The following MYRIP variants were observed in gnomAD, a reference collection of about 807,000 sequenced individuals.
MYRIP encodes the protein rab effector MyRIP.
Under a neutral mutation model 98.0 loss-of-function variants are expected in MYRIP, and 49 were observed. The ratio of observed to expected loss-of-function variants is 0.50; its 90% confidence interval spans 0.40 to 0.63. The LOEUF (loss-of-function observed/expected upper bound fraction) is 0.63, where lower values mean the gene tolerates loss of function less well. MYRIP is among the 30% of genes least tolerant of loss of function. The pLI is 0.00. For synonymous variants in MYRIP, 404 were observed against 409.5 expected (o/e 0.99, Z 0.16); for missense variants, 1,004 against 1,058.2 (o/e 0.95, Z 0.71).
At chr3:40,090,471 G>A (rs774452346) in intron 3 of MYRIP, among the ~76,000 whole-genome samples, 1 of 152,084 alleles carries the variant, frequency 6.6e-6, no homozygotes, top group Non-Finnish European at 1.5e-5. Flanking sequence ...TCAAGTCCTT[G>A]AAAAAACCCT....
At chr3:39,991,945 G>A (rs1386619151) in intron 2 of MYRIP, among the ~76,000 whole-genome samples, 3 of 152,262 alleles carry the variant, frequency 2.0e-5, no homozygotes, top group Non-Finnish European at 4.4e-5. Flanking sequence ...GGCTCTATAA[G>A]TATATATTAG....
At chr3:39,868,278 A>G (rs2125626661) in intron 1 of MYRIP, among the ~76,000 whole-genome samples, 1 of 152,232 alleles carries the variant, frequency 6.6e-6, no homozygotes, top group East Asian at 1.9e-4. Context: ...GCCTTCTTGG[A>G]TATTGTATGT....
chr3:39,895,946 C>T (rs1384271856), intron 1 of MYRIP, among the ~76,000 whole-genome samples: 9 of 151,608 alleles, frequency 5.9e-5, no homozygotes, highest in East Asian at 1.9e-4. Flanking sequence ...TGCGCGTGCA[C>T]GTACGCATAT....
At chr3:39,918,493 C>G (rs1559521849) in intron 2 of MYRIP, among the ~76,000 whole-genome samples, 1 of 152,170 alleles carries the variant, frequency 6.6e-6, no homozygotes, top group Non-Finnish European at 1.5e-5. Flanking sequence ...CCGCAACCAC[C>G]TGGGCCTCAT....
At chr3:39,941,433 T>G in intron 2 of MYRIP, among the ~76,000 whole-genome samples, 1 of 151,912 alleles carries the variant, frequency 6.6e-6, no homozygotes, top group African/African-American at 2.4e-5. Flanking sequence ...ACATGAGATT[T>G]GGAGAGGACA....
chr3:39,978,779 C>T (rs374918077), intron 2 of MYRIP, among the ~76,000 whole-genome samples: 48 of 151,240 alleles, frequency 3.2e-4, no homozygotes, highest in African/African-American at 2.2e-4. Flanking sequence ...TTTGTTTGCA[C>T]GGAAAGTGCT....
chr3:39,886,976 T>G (rs1483207271), intron 1 of MYRIP, among the ~76,000 whole-genome samples: 1 of 151,526 alleles, frequency 6.6e-6, no homozygotes, highest in African/African-American at 2.4e-5. Context: ...GAACAGAAAT[T>G]ATAACAAACT....
At chr3:39,947,256 G>C (rs1227589526) in intron 2 of MYRIP, among the ~76,000 whole-genome samples, 2 of 151,874 alleles carry the variant, frequency 1.3e-5, no homozygotes, top group African/African-American at 4.8e-5. Context: ...GAAATGAAAA[G>C]AGTAATAAAA....
At chr3:40,236,236 A>AGTAGGTTATACC (rs1952820849) in intron 12 of MYRIP, among the ~76,000 whole-genome samples, 1 of 152,232 alleles carries the variant, frequency 6.6e-6, no homozygotes, top group African/African-American at 2.4e-5. Flanking sequence ...CTAGGTGTGT[A>AGTAGGTTATACC]GTAGGTTATA....
intron 1 of MYRIP, among the ~76,000 whole-genome samples, chr3:39,810,931 A>G (rs918676302): frequency 6.6e-6 from 1 of 151,998 alleles, no homozygotes; most frequent in Non-Finnish European, 1.5e-5. Context: ...CTTCATTTCC[A>G]TGCTCTCCAT....
intron 1 of MYRIP, among the ~76,000 whole-genome samples, chr3:39,870,542 T>C (rs1185289997): frequency 6.6e-6 from 1 of 152,244 alleles, no homozygotes; most frequent in Non-Finnish European, 1.5e-5. Flanking sequence ...TTTTGGGTTT[T>C]ACTTTTCTGT....
At chr3:40,237,960 G>A (rs1253632770) in intron 12 of MYRIP, among the ~76,000 whole-genome samples, 1 of 152,190 alleles carries the variant, frequency 6.6e-6, no homozygotes, top group Non-Finnish European at 1.5e-5. Flanking sequence ...CATCTTGTAA[G>A]ATCCTTTAAT....
chr3:40,250,596 G>T, intron 15 of MYRIP, 97 bp downstream of exon 15: 2 of 1,366,666 alleles, frequency 1.5e-6, no homozygotes, highest in Non-Finnish European at 2.1e-6. Context: ...TAGATCTAAT[G>T]GAGTGTTCTC....
chr3:40,192,324 ATGTCATATATATATATGTCAT>A (rs1199079725), intron 10 of MYRIP, among the ~76,000 whole-genome samples: 1 of 29,186 alleles, frequency 3.4e-5, no homozygotes, highest in African/African-American at 6.3e-5. Flanking sequence ...ATATATATAT[ATGTCATATATATATATGTCAT>A]ATATATATTT....
chr3:40,116,530 C>T (rs1407617804), intron 3 of MYRIP, among the ~76,000 whole-genome samples: 1 of 152,316 alleles, frequency 6.6e-6, no homozygotes, highest in East Asian at 1.9e-4. Flanking sequence ...GCTTTCAACA[C>T]TTTATTTTCT....
At chr3:39,843,096 A>T (rs1941851600) in intron 1 of MYRIP, among the ~76,000 whole-genome samples, 1 of 152,208 alleles carries the variant, frequency 6.6e-6, no homozygotes, top group South Asian at 2.1e-4. Context: ...ATGATTAAAC[A>T]ATTTCCCTCC....
At chr3:40,117,705 T>C (rs1285753371) in intron 3 of MYRIP, among the ~76,000 whole-genome samples, 1 of 152,224 alleles carries the variant, frequency 6.6e-6, no homozygotes, top group Non-Finnish European at 1.5e-5. Flanking sequence ...GGCAGCTTTA[T>C]AGCCAGACCT....
intron 11 of MYRIP, among the ~76,000 whole-genome samples, chr3:40,219,281 A>G (rs1037932743): frequency 1.3e-5 from 2 of 152,192 alleles, no homozygotes; most frequent in African/African-American, 2.4e-5. Flanking sequence ...AGAAACCTTA[A>G]AGGCCTGAAA....
chr3:40,000,511 G>GATTACTCAT (rs1559555649), intron 2 of MYRIP, among the ~76,000 whole-genome samples: 1 of 152,122 alleles, frequency 6.6e-6, no homozygotes, highest in Non-Finnish European at 1.5e-5. Context: ...AAAATCCTTC[G>GATTACTCAT]ATTACTCATA....
Sources: gnomAD v4.1 joint callset for allele counts (sites outside exome capture counted in the v4.1 genomes callset) on GRCh38, gnomAD v4.1.1 for gene constraint, MANE v1.5 for transcripts, NCBI Gene and HGNC (gene_info 2026-07-23, HGNC 2026-07-21) for gene names.